DNAJC17: variants seen among roughly 807,000 people sequenced by gnomAD.
The protein encoded by DNAJC17 is dnaJ homolog subfamily C member 17.
Under a neutral mutation model 48.1 loss-of-function variants are expected in DNAJC17, and 35 were observed. The ratio of observed to expected loss-of-function variants is 0.73; its 90% confidence interval spans 0.56 to 0.96. The LOEUF (loss-of-function observed/expected upper bound fraction) is 0.96, where lower values mean the gene tolerates loss of function less well. Among genes scored for constraint, DNAJC17 ranks in the 50% least tolerant of loss-of-function variants. DNAJC17 has a pLI of 0.00. For missense variants in DNAJC17, 355 were observed against 377.1 expected, an observed-to-expected ratio of 0.94 and a Z score of 0.48; for synonymous variants, 117 against 142.7, an observed-to-expected ratio of 0.82 and a Z score of 1.28.
chr15:40,770,854 T>A lies in DNAJC17; in HGVS notation c.793-2792A>T. 6.4e-7 allele frequency: 1 copy of A among 1,551,480 alleles called. No homozygotes were observed. The highest frequency in any genetic ancestry group is 8.7e-7 in the Non-Finnish European group (1 of 1,146,980). On this transcript the variant is annotated intron_variant, in intron 10 of 10. Coordinates refer to ENST00000220496, the MANE Select transcript of DNAJC17 (RefSeq NM_018163.3). This position sits in a 1 kb window ranked among gnomAD's most constrained non-coding sequence, Gnocchi z 5.0. ...TCGGCGCTCTCTCTGTCGAGTGCCCTCCACCAGCACTCAGAGAAGGGCCTT... is the reference window on the plus strand; with the variant it reads ...TCGGCGCTCTCTCTGTCGAGTGCCCACCACCAGCACTCAGAGAAGGGCCTT...
intron 1 of DNAJC17, among the ~76,000 whole-genome samples, chr15:40,785,893 GTC>G (rs1234883225): frequency 6.6e-6 from 1 of 152,252 alleles, no homozygotes; most frequent in African/African-American, 2.4e-5. Flanking sequence ...GGTCAAGTAT[GTC>G]TGTCTTGATT....
intron 1 of DNAJC17, chr15:40,780,340 T>C (rs919570394): frequency 4.0e-6 from 2 of 496,034 alleles, no homozygotes; most frequent in Non-Finnish European, 7.9e-6. Flanking sequence ...GCATATAAAC[T>C]GGGGCAACCT....
intron 9 of DNAJC17, chr15:40,774,131 C>A (rs1447267180): frequency 1.6e-6 from 1 of 609,282 alleles, no homozygotes; most frequent in Non-Finnish European, 2.9e-6. Flanking sequence ...GGAGCAGAGT[C>A]AAGTCTGTGC....
intron 10 of DNAJC17, chr15:40,771,712 C>T (rs1566819724): frequency 5.9e-6 from 1 of 169,892 alleles, no homozygotes; most frequent in East Asian, 1.9e-4. Context: ...GGCTACCACA[C>T]TGGTCAGTGC....
chr15:40,802,568 C>G (rs1173146162), intron 1 of DNAJC17, among the ~76,000 whole-genome samples: 1 of 152,132 alleles, frequency 6.6e-6, no homozygotes, highest in Admixed American at 6.6e-5. Context: ...GAGAAGTAGT[C>G]TGAACACAAG....
intron 4 of DNAJC17, among the ~76,000 whole-genome samples, chr15:40,778,484 G>A (rs549741023): frequency 5.3e-5 from 8 of 151,998 alleles, no homozygotes; most frequent in Non-Finnish European, 1.2e-4. Flanking sequence ...AACTCCTGAC[G>A]TCGTGATCCA....
intron 2 of DNAJC17, 46 bp downstream of exon 2, chr15:40,779,882 C>T (rs767045924): frequency 1.1e-5 from 18 of 1,588,156 alleles, no homozygotes; most frequent in South Asian, 7.9e-5. Flanking sequence ...ACACAATGCC[C>T]GGGTGAGTGG....
At chr15:40,800,501 T>G (rs1890050020) in intron 1 of DNAJC17, among the ~76,000 whole-genome samples, 1 of 151,642 alleles carries the variant, frequency 6.6e-6, no homozygotes. Flanking sequence ...TTTTTTTTAA[T>G]TTTTTTACAG....
chr15:40,785,511 T>C (rs1364510190), intron 1 of DNAJC17, among the ~76,000 whole-genome samples: 1 of 152,204 alleles, frequency 6.6e-6, no homozygotes, highest in Non-Finnish European at 1.5e-5. Flanking sequence ...CACACAGGGC[T>C]GCTGGAAGGA....
intron 10 of DNAJC17, among the ~76,000 whole-genome samples, chr15:40,772,777 T>G (rs1002002912): frequency 6.6e-6 from 1 of 152,160 alleles, no homozygotes; most frequent in Non-Finnish European, 1.5e-5. Flanking sequence ...TCCACCAAGG[T>G]GGGGACAGGT....
At chr15:40,788,980 C>T (rs185086145) in intron 1 of DNAJC17, among the ~76,000 whole-genome samples, 8 of 152,304 alleles carry the variant, frequency 5.3e-5, no homozygotes, top group African/African-American at 1.9e-4. Context: ...TCCCCAAATG[C>T]CTGGGCACTG....
chr15:40,778,880 G>A lies in DNAJC17; in HGVS notation c.295+343C>T, dbSNP rs1889402021. On this transcript the variant is annotated intron_variant, in intron 4 of 10. Transcript: ENST00000220496. The stretch of plus-strand genomic sequence containing the variant: ...ACCCAGAGGGTGGGGGTTGCAGTGA[G>A]CCGAGATCATGCCACTGCGCTCCAG... 3.3e-5 allele frequency among the ~76,000 whole-genome samples: 5 copies of A among 152,170 alleles called. No homozygotes were observed. In the South Asian group the frequency reaches 1.0e-3, roughly 32 times the overall value.
chr15:40,765,648 T>C lies in DNAJC17; in HGVS notation c.*2292A>G. ...GGGAGGGCGCCTACATTGCTCCTCC[T>C]GATCATTGATGGGCTCCACCCCTTC... On this transcript the variant is annotated 3_prime_UTR_variant, in exon 11 of 11. Transcript: ENST00000220496. 2.5e-6 allele frequency: 1 copy of C among 396,922 alleles called. No homozygotes were observed. Among genetic ancestry groups the C allele is most frequent in the East Asian group, 3.7e-5 (1 of 27,318 alleles). 24.6% of individuals were successfully genotyped at this position (396,922 alleles called of 1,614,324 possible).
intron 10 of DNAJC17, among the ~76,000 whole-genome samples, chr15:40,768,760 C>T (rs1889031513): frequency 6.6e-6 from 1 of 152,232 alleles, no homozygotes; most frequent in Non-Finnish European, 1.5e-5. Context: ...TGCCAACCCA[C>T]GCCCTGATAA....
chr15:40,790,704 C>A (rs985933848), intron 1 of DNAJC17, among the ~76,000 whole-genome samples: 1 of 152,202 alleles, frequency 6.6e-6, no homozygotes, highest in African/African-American at 2.4e-5. Flanking sequence ...TCCTTGACCA[C>A]CTCACAGGCT....
In DNAJC17 at chr15:40,789,386, G is replaced by A. The variant is rs538515848; in HGVS notation, c.79-9389C>T. 1.2e-4 allele frequency among the ~76,000 whole-genome samples: 17 copies of A among 146,254 alleles called. 1 individual carries two copies. The South Asian group carries it at 2.0e-3, about 17-fold the overall frequency. On this transcript the variant is annotated intron_variant, in intron 1 of 10. Coordinates refer to ENST00000220496, the MANE Select transcript of DNAJC17 (RefSeq NM_018163.3). ...TACTCCCTCCTATCCTGCTCTCCTC[G>A]GTCCACTTCCCCAAACCAGCCCACT...
chr15:40,765,727 G>C lies in DNAJC17; in HGVS notation c.*2213C>G. On this transcript the variant is annotated 3_prime_UTR_variant, in exon 11 of 11. Transcript: ENST00000220496. ...TTGCTACTCTCTGTAGCCTTTACCT[G>C]AACCTTACTCAGGGCTAGCAGGCAG... 1.9e-6 allele frequency: 1 copy of C among 536,464 alleles called. No homozygotes were observed. Among genetic ancestry groups the C allele is most frequent in the Non-Finnish European group, 3.4e-6 (1 of 293,656 alleles). The allele number at this position is 536,464 out of a possible 1,614,324, so 33.2% of individuals were successfully genotyped here. A position where few individuals can be genotyped will look rare whatever the true frequency, so the allele number is the denominator to read the frequency against.
chr15:40,792,668 A>C, intron 1 of DNAJC17: 1 of 264,224 alleles, frequency 3.8e-6, no homozygotes, highest in Non-Finnish European at 5.9e-6. Context: ...TTTTTCTAAA[A>C]ATTATCCAGG....
intron 1 of DNAJC17, among the ~76,000 whole-genome samples, chr15:40,804,623 T>C (rs543641251): frequency 6.6e-6 from 1 of 151,768 alleles, no homozygotes; most frequent in Non-Finnish European, 1.5e-5. Context: ...AAAAAAAAAA[T>C]AAAATCTGAT....
Sources: gnomAD v4.1 joint callset for allele counts (sites outside exome capture counted in the v4.1 genomes callset) on GRCh38, gnomAD v4.1.1 for gene constraint, Gnocchi (gnomAD v3.1) non-coding constraint, MANE v1.5 for transcripts, NCBI Gene and HGNC (gene_info 2026-07-23, HGNC 2026-07-21) for gene names.